LAMA2: variants seen among roughly 807,000 people sequenced by gnomAD.
LAMA2 encodes laminin subunit alpha 2.
Under a neutral mutation model 364.8 loss-of-function variants are expected in LAMA2, and 269 were observed. That is an observed-to-expected ratio of 0.74 (90% CI 0.67 to 0.82). LAMA2 has a LOEUF of 0.82. LAMA2 is among the 40% of genes least tolerant of loss of function. The pLI is 0.00. For missense variants in LAMA2, 3,807 were observed against 3,873.2 expected, an observed-to-expected ratio of 0.98 and a Z score of 0.45; for synonymous variants, 1,379 against 1,370.6, an observed-to-expected ratio of 1.01 and a Z score of -0.14.
chr6:129,382,643 G>T (rs1419393302), intron 34 of LAMA2, among the ~76,000 whole-genome samples: 1 of 152,088 alleles, frequency 6.6e-6, no homozygotes, highest in Non-Finnish European at 1.5e-5. Context: ...CTCCCTCTTT[G>T]TTTCTTTAAT....
chr6:128,991,354 C>A (rs944985403), intron 1 of LAMA2, among the ~76,000 whole-genome samples: 3 of 152,108 alleles, frequency 2.0e-5, no homozygotes, highest in African/African-American at 7.2e-5. Flanking sequence ...AAGTATGAAA[C>A]ACTATTGCCA....
chr6:129,261,699 T>C (rs1787147319), intron 15 of LAMA2, among the ~76,000 whole-genome samples: 1 of 152,116 alleles, frequency 6.6e-6, no homozygotes. Context: ...AGGCATTGCT[T>C]TGTCAGTTCT....
At chr6:129,168,506 T>A (rs1206074293) in intron 9 of LAMA2, among the ~76,000 whole-genome samples, 1 of 152,048 alleles carries the variant, frequency 6.6e-6, no homozygotes, top group African/African-American at 2.4e-5. Context: ...AGGGCTCTGT[T>A]CTGTTCCATT....
intron 48 of LAMA2, among the ~76,000 whole-genome samples, chr6:129,458,526 T>A (rs1443503844): frequency 6.6e-6 from 1 of 151,872 alleles, no homozygotes; most frequent in Non-Finnish European, 1.5e-5. Flanking sequence ...CTCTCAAATA[T>A]AGCTTTTCAG....
At chr6:129,499,358 G>C (rs1276875520) in intron 58 of LAMA2, among the ~76,000 whole-genome samples, 1 of 152,050 alleles carries the variant, frequency 6.6e-6, no homozygotes, top group Non-Finnish European at 1.5e-5. Flanking sequence ...TAGAGATGAG[G>C]ACGCCTTCAA....
Position 129,353,362 on chromosome 6 carries a change from G to T in LAMA2, c.4717+5G>T. 5.0e-6 allele frequency: 8 copies of T among 1,611,934 alleles called. No homozygotes were observed. Among genetic ancestry groups the T allele is most frequent in the Non-Finnish European group, 6.8e-6 (8 of 1,178,590 alleles). ...GCGAGGGCTGGGAGTGTGTTTGTAC[G>T]TATACTAACTTTGCTGTTAGTTTTG... is the stretch of plus-strand genomic sequence containing the variant. On this transcript the variant is annotated splice_donor_5th_base_variant and intron_variant, in intron 32 of 64. Coordinates refer to ENST00000421865, the MANE Select transcript of LAMA2 (RefSeq NM_000426.4).
intron 40 of LAMA2, among the ~76,000 whole-genome samples, chr6:129,425,741 A>G (rs1781295683): frequency 6.6e-6 from 1 of 152,022 alleles, no homozygotes. Context: ...AACTCCATCC[A>G]TGTTCCTGCA....
chr6:129,444,754 C>T (rs1471938971), intron 44 of LAMA2, among the ~76,000 whole-genome samples: 7 of 152,348 alleles, frequency 4.6e-5, no homozygotes, highest in East Asian at 1.9e-4. Context: ...GAGTCTAACA[C>T]AGCATGTAGC....
rs1391789725 is a variant in LAMA2, at chr6:129,503,188, A to C, written c.8455A>C (p.Arg2819=). ...NHADFATVQL[R]NGLPYFSYDL... ...TGCTGATTTTGCAACAGTTCAGCTGAGAAATGGATTGCCCTACTTCAGCTA... is the reference window on the plus strand; with the variant it reads ...TGCTGATTTTGCAACAGTTCAGCTGCGAAATGGATTGCCCTACTTCAGCTA... The change falls in exon 60 of 65, where the codon AGA becomes CGA. Residue 2819 remains arginine (R), a synonymous_variant. Coordinates refer to ENST00000421865, the MANE Select transcript of LAMA2 (RefSeq NM_000426.4). 9 of 1,614,172 alleles carry C rather than the reference A, an allele frequency of 5.6e-6. No homozygotes were observed. In the South Asian group the frequency reaches 7.7e-5, roughly 14 times the overall value.
At chr6:129,160,631 T>C (rs1317266742) in intron 8 of LAMA2, among the ~76,000 whole-genome samples, 1 of 151,976 alleles carries the variant, frequency 6.6e-6, no homozygotes, top group Non-Finnish European at 1.5e-5. Context: ...ATTTTCTTTT[T>C]CTACCTATCA....
At chr6:129,263,814 G>A (rs557464346) in intron 15 of LAMA2, among the ~76,000 whole-genome samples, 1 of 152,150 alleles carries the variant, frequency 6.6e-6, no homozygotes, top group African/African-American at 2.4e-5. Context: ...GTCATAGCTT[G>A]CTGCAGCCTC....
At chr6:129,225,372 C>A (rs997524371) in intron 12 of LAMA2, among the ~76,000 whole-genome samples, 1 of 152,124 alleles carries the variant, frequency 6.6e-6, no homozygotes, top group Non-Finnish European at 1.5e-5. Context: ...TTGCCTTCTG[C>A]TAGCTTTTGA....
chr6:129,121,814 A>C (rs2114919792), intron 4 of LAMA2, among the ~76,000 whole-genome samples: 1 of 152,354 alleles, frequency 6.6e-6, no homozygotes, highest in South Asian at 2.1e-4. Context: ...TGAATTCATA[A>C]TTAAAATTAA....
At position 129,252,263 on chromosome 6, in the gene LAMA2, CACAT is replaced by C. The variant is rs1583345113; in HGVS notation, c.2068_2071del (p.Tyr690AlafsTer10). On this transcript the variant is annotated frameshift_variant, in exon 14 of 65. Transcript: ENST00000421865. LOFTEE classifies it high-confidence loss of function. ...ATTTGAAGAGAGTCCTCCTACAAAT[CACAT>C]ACAGCTTTGGGATGGATGCCATCTT... The C allele has an allele frequency of 6.2e-7, 1 of 1,613,770 alleles. No individual in the cohort carries two copies. Among genetic ancestry groups the C allele is most frequent in the Non-Finnish European group, 8.5e-7 (1 of 1,179,740 alleles).
chr6:129,500,600 A>G (rs1404319473), intron 58 of LAMA2, among the ~76,000 whole-genome samples: 3 of 152,220 alleles, frequency 2.0e-5, no homozygotes, highest in Non-Finnish European at 4.4e-5. Context: ...ACTTTGACAA[A>G]GTCCCTGTCC....
chr6:129,291,534 G>T, intron 19 of LAMA2, 80 bp from the exon 20 acceptor site: 1 of 965,360 alleles, frequency 1.0e-6, no homozygotes. Context: ...ATGTTACCAT[G>T]TGGGGTATAT....
chr6:129,137,611 G>A (rs1045725255), intron 4 of LAMA2, among the ~76,000 whole-genome samples: 11 of 151,838 alleles, frequency 7.2e-5, no homozygotes, highest in African/African-American at 4.8e-5. Context: ...TCAATAAATG[G>A]AATTAAAAAT....
intron 45 of LAMA2, among the ~76,000 whole-genome samples, chr6:129,447,265 G>A (rs1398658593): frequency 6.6e-6 from 1 of 152,202 alleles, no homozygotes; most frequent in African/African-American, 2.4e-5. Flanking sequence ...GAAGCCGTGA[G>A]AAGTGACATA....
At chr6:128,921,390 A>C (rs1158417114) in intron 1 of LAMA2, among the ~76,000 whole-genome samples, 1 of 152,196 alleles carries the variant, frequency 6.6e-6, no homozygotes, top group Non-Finnish European at 1.5e-5. Context: ...ACCCCAGGTA[A>C]CTATGAATGT....
Sources: allele counts gnomAD v4.1 joint callset (sites outside exome capture counted in the v4.1 genomes callset), GRCh38; gene constraint gnomAD v4.1.1; transcripts MANE v1.5; gene names NCBI Gene and HGNC (gene_info 2026-07-23, HGNC 2026-07-21).